DPP6: variants seen among roughly 807,000 people sequenced by gnomAD.
DPP6 encodes dipeptidyl peptidase like 6, also known as A-type potassium channel modulatory protein DPP6.
DPP6 carries 69 observed loss-of-function variants against 122.6 expected under a neutral mutation model. The observed-to-expected ratio is 0.56, with a 90% CI of 0.46 to 0.69. DPP6 has a LOEUF of 0.69. Among genes scored for constraint, DPP6 ranks in the 30% least tolerant of loss-of-function variants. DPP6 has a pLI of 0.00. For missense variants in DPP6, 928 were observed against 1,116.9 expected (o/e 0.83, Z 2.41); for synonymous variants, 418 against 433.1 (o/e 0.97, Z 0.43).
chr7:154,723,618 G>T (rs540385991), intron 7 of DPP6, among the ~76,000 whole-genome samples: 29 of 152,310 alleles, frequency 1.9e-4, no homozygotes, highest in South Asian at 4.1e-4. Context: ...GAACCAGGAG[G>T]GCTGAGCAGA....
At chr7:154,835,346 T>C (rs534706912) in intron 16 of DPP6, among the ~76,000 whole-genome samples, 2 of 152,278 alleles carry the variant, frequency 1.3e-5, no homozygotes, top group Non-Finnish European at 2.9e-5. Flanking sequence ...GCTGCCGCCC[T>C]GCCCCCACCT....
At chr7:154,353,234 G>A (rs1238570035) in intron 1 of DPP6, among the ~76,000 whole-genome samples, 7 of 152,204 alleles carry the variant, frequency 4.6e-5, no homozygotes, top group Non-Finnish European at 7.3e-5. Flanking sequence ...ACTATTCAGT[G>A]AAACTTTCAA....
At chr7:154,733,437 C>A (rs1842431677) in intron 8 of DPP6, among the ~76,000 whole-genome samples, 1 of 152,238 alleles carries the variant, frequency 6.6e-6, no homozygotes, top group Admixed American at 6.5e-5. Context: ...CAGCGTGAGG[C>A]AAGGCCTGCT....
chr7:154,729,759 T>C (rs1842245527), intron 8 of DPP6, among the ~76,000 whole-genome samples: 1 of 152,206 alleles, frequency 6.6e-6, no homozygotes, highest in African/African-American at 2.4e-5. Flanking sequence ...TTTATTCCAA[T>C]GTGGCTGCCG....
chr7:153,949,168 CCTGGTGTTGCCCACA>C (rs1802089067), intron 1 of DPP6, among the ~76,000 whole-genome samples: 1 of 152,142 alleles, frequency 6.6e-6, no homozygotes, highest in African/African-American at 2.4e-5. Flanking sequence ...GTGAGTGTTG[CCTGGTGTTGCCCACA>C]CTGATGGATG....
the DPP6 span, among the ~76,000 whole-genome samples, chr7:153,769,594 G>A: frequency 7.9e-5 from 12 of 152,152 alleles, no homozygotes; most frequent in Admixed American, 7.9e-4. Flanking sequence ...GTAATTCTAG[G>A]AGATTTAAAC....
At chr7:153,876,127 T>G in the DPP6 span, among the ~76,000 whole-genome samples, 1 of 152,144 alleles carries the variant, frequency 6.6e-6, no homozygotes, top group South Asian at 2.1e-4. Flanking sequence ...ATGCACCTAA[T>G]AATATAGCTT....
chr7:154,662,592 C>T (rs1476600946), intron 6 of DPP6, among the ~76,000 whole-genome samples: 1 of 107,646 alleles, frequency 9.3e-6, no homozygotes, highest in South Asian at 3.7e-4. Context: ...ATCACCATGG[C>T]GTATCGGCCG....
chr7:154,199,690 A>G (rs1254189585), intron 1 of DPP6, among the ~76,000 whole-genome samples: 1 of 151,866 alleles, frequency 6.6e-6, no homozygotes, highest in Non-Finnish European at 1.5e-5. Context: ...GCTCACTGCA[A>G]GGTCCGCCTC....
chr7:153,851,370 T>C, the DPP6 span, among the ~76,000 whole-genome samples: 17 of 152,326 alleles, frequency 1.1e-4, 1 homozygote, highest in Admixed American at 9.8e-4. Flanking sequence ...CCTCCTCTCA[T>C]TCCTGGATGG....
At chr7:154,174,386 TGTTCA>T (rs955239295) in intron 1 of DPP6, among the ~76,000 whole-genome samples, 1 of 152,254 alleles carries the variant, frequency 6.6e-6, no homozygotes, top group Non-Finnish European at 1.5e-5. Flanking sequence ...TGTTTTCAAA[TGTTCA>T]GTTCAGTAGT....
chr7:153,912,467 C>A (rs1299747144), intron 1 of DPP6, among the ~76,000 whole-genome samples: 3 of 152,172 alleles, frequency 2.0e-5, no homozygotes, highest in African/African-American at 7.2e-5. Flanking sequence ...TCCAAATTCT[C>A]TTTCCTATTA....
intron 5 of DPP6, among the ~76,000 whole-genome samples, chr7:154,635,796 C>T (rs184941925): frequency 2.2e-4 from 33 of 152,234 alleles, no homozygotes; most frequent in Non-Finnish European, 4.1e-4. Context: ...GGCAGTCTAA[C>T]GGGTATGAGC....
intron 18 of DPP6, among the ~76,000 whole-genome samples, chr7:154,869,805 G>C (rs941845957): frequency 6.6e-6 from 1 of 152,136 alleles, no homozygotes; most frequent in African/African-American, 2.4e-5. Flanking sequence ...AGAACATTCT[G>C]GAATTTTGAT....
At chr7:154,804,600 G>C (rs559785063) in intron 14 of DPP6, among the ~76,000 whole-genome samples, 1 of 152,326 alleles carries the variant, frequency 6.6e-6, no homozygotes, top group Admixed American at 6.5e-5. Context: ...CAGAAGGTGA[G>C]TGATCTTGTA....
intron 6 of DPP6, among the ~76,000 whole-genome samples, chr7:154,655,862 A>C (rs1422665361): frequency 6.6e-6 from 1 of 152,128 alleles, no homozygotes; most frequent in African/African-American, 2.4e-5. Context: ...TCAGGCTTTG[A>C]CTAAATCTTC....
chr7:154,430,823 G>A (rs1320575207), intron 1 of DPP6, among the ~76,000 whole-genome samples: 1 of 150,680 alleles, frequency 6.6e-6, no homozygotes. Flanking sequence ...GCTTCCAGGA[G>A]TTTAATGGAT....
chr7:153,973,141 G>A (rs1224436931), intron 1 of DPP6, among the ~76,000 whole-genome samples: 2 of 151,478 alleles, frequency 1.3e-5, no homozygotes, highest in African/African-American at 2.4e-5. Context: ...GAAAAGTGTG[G>A]AAAGAAAAAA....
intron 1 of DPP6, among the ~76,000 whole-genome samples, chr7:153,900,076 C>G (rs923134409): frequency 1.3e-5 from 2 of 152,170 alleles, no homozygotes; most frequent in Non-Finnish European, 2.9e-5. Context: ...ATCTTGAGCC[C>G]ACCCAGACCT....
Sources: allele counts gnomAD v4.1 joint callset (sites outside exome capture counted in the v4.1 genomes callset), GRCh38; gene constraint gnomAD v4.1.1; transcripts MANE v1.5; gene names NCBI Gene and HGNC (gene_info 2026-07-23, HGNC 2026-07-21).